The following FRMD3 variants were observed in gnomAD, a reference collection of about 807,000 sequenced individuals.
FRMD3 encodes FERM domain containing 3.
Under a neutral mutation model 70.2 loss-of-function variants are expected in FRMD3, and 33 were observed. The observed-to-expected ratio is 0.47, with a 90% CI of 0.36 to 0.63. The LOEUF (loss-of-function observed/expected upper bound fraction) is 0.63, where lower values mean the gene tolerates loss of function less well. Ranked by LOEUF, FRMD3 falls within the 20% of genes least tolerant of loss-of-function variation. The pLI, the probability that FRMD3 is intolerant of heterozygous loss-of-function variation, is 0.00. For missense variants in FRMD3, 632 were observed against 711.4 expected (o/e 0.89, Z 1.27); for synonymous variants, 279 against 255.9 (o/e 1.09, Z -0.86).
At chr9:83,369,884 A>G (rs1407615461) in intron 3 of FRMD3, among the ~76,000 whole-genome samples, 1 of 152,180 alleles carries the variant, frequency 6.6e-6, no homozygotes, top group East Asian at 1.9e-4. Flanking sequence ...TAGAGGGAGG[A>G]GCAAGGAAAT....
intron 7 of FRMD3, among the ~76,000 whole-genome samples, chr9:83,312,241 C>T (rs2131055974): frequency 6.6e-6 from 1 of 152,266 alleles, no homozygotes; most frequent in African/African-American, 2.4e-5. Flanking sequence ...GAATTAGTCC[C>T]AAATCACTAT....
intron 3 of FRMD3, among the ~76,000 whole-genome samples, chr9:83,350,428 A>G (rs1824107771): frequency 6.6e-6 from 1 of 151,732 alleles, no homozygotes; most frequent in African/African-American, 2.4e-5. Context: ...CAGCCTGACC[A>G]ACATGGAGAA....
At chr9:83,367,228 T>C (rs1824818965) in intron 3 of FRMD3, among the ~76,000 whole-genome samples, 1 of 152,208 alleles carries the variant, frequency 6.6e-6, no homozygotes, top group Non-Finnish European at 1.5e-5. Flanking sequence ...TCCACATTTG[T>C]ACCTATGGAC....
intron 1 of FRMD3, among the ~76,000 whole-genome samples, chr9:83,450,402 C>T (rs895498155): frequency 7.2e-6 from 1 of 138,884 alleles, no homozygotes; most frequent in African/African-American, 2.7e-5. Context: ...TACATGTGCA[C>T]ATTGTGCAGG....
At chr9:83,539,497 G>C (rs1276634221), upstream of FRMD3, among the ~76,000 whole-genome samples, 24 of 152,240 alleles carry the variant, frequency 1.6e-4, no homozygotes, top group Non-Finnish European at 2.9e-5. Context: ...TGTTAGAAGA[G>C]GAGGTGTTGA....
intron 1 of FRMD3, among the ~76,000 whole-genome samples, chr9:83,514,583 G>T (rs1273608576): frequency 2.6e-5 from 4 of 152,148 alleles, no homozygotes; most frequent in African/African-American, 7.2e-5. Context: ...AAGAGAGCAG[G>T]GATCTCCTAG....
At chr9:83,273,727 T>A (rs1833698971) in intron 13 of FRMD3, among the ~76,000 whole-genome samples, 1 of 151,992 alleles carries the variant, frequency 6.6e-6, no homozygotes, top group South Asian at 2.1e-4. Context: ...ACAAAGTGTC[T>A]AAAATTATCA....
chr9:83,342,043 A>ATCTC (rs112748690), intron 5 of FRMD3, among the ~76,000 whole-genome samples: 3,345 of 139,660 alleles, frequency 0.024, 88 homozygotes, highest in East Asian at 0.089. Flanking sequence ...TGACATAGTC[A>ATCTC]TCTCTCTCTC....
rs184783275 is a variant in FRMD3 at position 83,510,854 on chromosome 9, G to C, written c.147+27231C>G. On this transcript the variant is annotated intron_variant, in intron 1 of 13. Coordinates refer to ENST00000304195, the MANE Select transcript of FRMD3 (RefSeq NM_174938.6). The stretch of plus-strand genomic sequence containing the variant: ...TAAGGTAAATTCCCCCTAGGATTGG[G>C]GGAAATGAAGAGGGTGGAGGGAGTG... Among the ~76,000 whole-genome samples, 9 of 152,276 alleles carry C rather than the reference G, an allele frequency of 5.9e-5. No homozygotes were observed. The East Asian group carries it at 1.7e-3, about 29-fold the overall frequency.
At chr9:83,554,373 T>C in the FRMD3 span, among the ~76,000 whole-genome samples, 1 of 152,178 alleles carries the variant, frequency 6.6e-6, no homozygotes, top group South Asian at 2.1e-4. Context: ...TATGTTCCTT[T>C]CCCAGCTAAG....
chr9:83,501,880 A>G (rs1829077524), intron 1 of FRMD3, among the ~76,000 whole-genome samples: 1 of 152,198 alleles, frequency 6.6e-6, no homozygotes, highest in Admixed American at 6.5e-5. Context: ...AGCCAACTCT[A>G]CGTTTAATAT....
At chr9:83,441,500 G>C (rs747862048) in intron 1 of FRMD3, among the ~76,000 whole-genome samples, 1 of 152,114 alleles carries the variant, frequency 6.6e-6, no homozygotes, top group Non-Finnish European at 1.5e-5. Flanking sequence ...ATACACAAAA[G>C]AGTCTCTACA....
intron 7 of FRMD3, 123 bp downstream of exon 7, chr9:83,313,537 A>G (rs1835444076): frequency 5.4e-6 from 4 of 743,668 alleles, no homozygotes; most frequent in South Asian, 3.4e-5. Context: ...GTCCCTTCCA[A>G]TGAGGGACCG....
intron 1 of FRMD3, among the ~76,000 whole-genome samples, chr9:83,521,462 G>A (rs1317688264): frequency 1.3e-5 from 2 of 152,096 alleles, no homozygotes; most frequent in Non-Finnish European, 2.9e-5. Flanking sequence ...CTCTAGCCTG[G>A]GTGAAAAAAT....
intron 1 of FRMD3, among the ~76,000 whole-genome samples, chr9:83,458,394 T>C (rs539398455): frequency 1.3e-5 from 2 of 152,324 alleles, no homozygotes; most frequent in South Asian, 4.1e-4. Context: ...GGCATATCTG[T>C]TGGATCACAT....
the FRMD3 span, among the ~76,000 whole-genome samples, chr9:83,552,642 G>C: frequency 6.6e-6 from 1 of 152,030 alleles, no homozygotes; most frequent in Non-Finnish European, 1.5e-5. Context: ...TAGGAATCTG[G>C]GTGCTCCTGT....
chr9:83,538,104 T>A lies in FRMD3; in HGVS notation c.128A>T (p.Glu43Val). Residue 43 changes from glutamate (E) to valine (V), a missense_variant, in exon 1 of 14, where the codon GAG becomes GTG. Glu to Val is a moderately radical substitution (Grantham distance 121, BLOSUM62 -2). This residue lies in a region of FRMD3 where 208 missense variants were observed against 247.7 expected (regional missense o/e 0.84). Coordinates refer to ENST00000304195, the MANE Select transcript of FRMD3 (RefSeq NM_174938.6). The surrounding 1 kb of genome is among the most constrained non-coding windows in gnomAD (Gnocchi z 4.7). ...GCGCACCTGGATGTGGCAGGAGATCTCCGAGTCGTCCAGCAGCCGGATGGT... is the reference window on the plus strand; with the variant it reads ...GCGCACCTGGATGTGGCAGGAGATCACCGAGTCGTCCAGCAGCCGGATGGT... ...RCTIRLLDDSEISCHIQRETK... is the reference protein window; with the variant it reads ...RCTIRLLDDSVISCHIQRETK... The A allele has an allele frequency of 1.2e-6, 2 of 1,613,106 alleles. 1 individual carries two copies. The highest frequency in any genetic ancestry group is 2.7e-5 in the African/African-American group (2 of 75,028).
chr9:83,515,796 G>T (rs1265496224), intron 1 of FRMD3, among the ~76,000 whole-genome samples: 1 of 152,216 alleles, frequency 6.6e-6, no homozygotes, highest in Non-Finnish European at 1.5e-5. Context: ...CAAGCCAGAA[G>T]AGAGTGGGGG....
At chr9:83,526,243 T>C (rs1829681658) in intron 1 of FRMD3, among the ~76,000 whole-genome samples, 1 of 152,224 alleles carries the variant, frequency 6.6e-6, no homozygotes, top group Non-Finnish European at 1.5e-5. Flanking sequence ...TGGTCTGCTA[T>C]CATCACTTTG....
Sources: gnomAD v4.1 joint callset for allele counts (sites outside exome capture counted in the v4.1 genomes callset) on GRCh38, gnomAD v4.1.1 for gene constraint, gnomAD v4.1.1 regional missense constraint, Gnocchi (gnomAD v3.1) non-coding constraint, MANE v1.5 for transcripts, NCBI Gene and HGNC (gene_info 2026-07-23, HGNC 2026-07-21) for gene names.